The following ZNF277 variants were observed in gnomAD, a reference collection of about 807,000 sequenced individuals.
ZNF277 encodes the protein zinc finger protein 277.
Under a neutral mutation model 60.7 loss-of-function variants are expected in ZNF277, and 55 were observed. The ratio of observed to expected loss-of-function variants is 0.91; its 90% confidence interval spans 0.73 to 1.13. The LOEUF (loss-of-function observed/expected upper bound fraction) is 1.13, where lower values mean the gene tolerates loss of function less well. ZNF277 is among the 50% of genes most tolerant of loss of function. The pLI is 0.00. For synonymous variants in ZNF277, 178 were observed against 179.3 expected, an observed-to-expected ratio of 0.99 and a Z score of 0.06; for missense variants, 510 against 523.0, an observed-to-expected ratio of 0.98 and a Z score of 0.24.
At chr7:112,235,523 TC>T (rs1360517209) in intron 1 of ZNF277, among the ~76,000 whole-genome samples, 1 of 152,122 alleles carries the variant, frequency 6.6e-6, no homozygotes, top group African/African-American at 2.4e-5. Flanking sequence ...ATATTAAGCA[TC>T]TTTTCATGTT....
At chr7:112,322,096 T>G (rs1375646552) in intron 5 of ZNF277, among the ~76,000 whole-genome samples, 1 of 152,122 alleles carries the variant, frequency 6.6e-6, no homozygotes, top group Admixed American at 6.5e-5. Flanking sequence ...CCCACCAGGA[T>G]TTGTGTTCCT....
At chr7:112,317,411 C>A (rs1024086299) in intron 4 of ZNF277, among the ~76,000 whole-genome samples, 1 of 152,098 alleles carries the variant, frequency 6.6e-6, no homozygotes, top group African/African-American at 2.4e-5. Context: ...AGAGCCTGAG[C>A]TCTTAACTGT....
intron 1 of ZNF277, among the ~76,000 whole-genome samples, chr7:112,246,232 A>G (rs1791082330): frequency 1.3e-5 from 2 of 152,076 alleles, no homozygotes; most frequent in South Asian, 4.1e-4. Context: ...AAAGATACAA[A>G]AAAAAATTAG....
intron 7 of ZNF277, chr7:112,330,548 CTTTTTT>C: frequency 9.5e-6 from 1 of 105,514 alleles, no homozygotes; most frequent in Non-Finnish European, 1.8e-5. Flanking sequence ...AGACTCCTTT[CTTTTTT>C]TTTTTTTTTT....
chr7:112,305,398 C>T (rs1388903618), intron 4 of ZNF277, among the ~76,000 whole-genome samples: 1 of 151,390 alleles, frequency 6.6e-6, no homozygotes, highest in Non-Finnish European at 1.5e-5. Flanking sequence ...GGAAAAATTG[C>T]CTTCTGTGGA....
At chr7:112,334,897 C>G (rs562057564) in intron 7 of ZNF277, among the ~76,000 whole-genome samples, 14 of 152,206 alleles carry the variant, frequency 9.2e-5, no homozygotes, top group African/African-American at 3.4e-4. Flanking sequence ...TTTTGGTGTT[C>G]TGTAATGAGA....
chr7:112,211,801 T>A (rs1821755613), intron 1 of ZNF277, among the ~76,000 whole-genome samples: 1 of 152,200 alleles, frequency 6.6e-6, no homozygotes, highest in South Asian at 2.1e-4. Context: ...CACACTGTAG[T>A]TATTTTTTGG....
intron 5 of ZNF277, among the ~76,000 whole-genome samples, chr7:112,327,004 C>G (rs1430675687): frequency 2.6e-5 from 4 of 152,108 alleles, no homozygotes; most frequent in Non-Finnish European, 5.9e-5. Context: ...TATCACAGCC[C>G]TTGCATTTAA....
intron 1 of ZNF277, among the ~76,000 whole-genome samples, chr7:112,284,082 G>C (rs535728871): frequency 1.3e-5 from 2 of 152,210 alleles, no homozygotes; most frequent in African/African-American, 4.8e-5. Context: ...TGGGAACTTA[G>C]TTAAGTTTTC....
intron 1 of ZNF277, among the ~76,000 whole-genome samples, chr7:112,215,961 A>T (rs973444034): frequency 9.2e-5 from 14 of 152,230 alleles, no homozygotes; most frequent in Non-Finnish European, 8.8e-5. Flanking sequence ...CGTAATTACC[A>T]TTATAAAGCA....
intron 2 of ZNF277, chr7:112,288,199 T>C (rs1052496432): frequency 6.6e-6 from 1 of 152,216 alleles, no homozygotes; most frequent in Non-Finnish European, 1.5e-5. Context: ...TTTCCCAATT[T>C]ATAATTTCTG....
chr7:112,252,453 T>G (rs1415920828), intron 1 of ZNF277, among the ~76,000 whole-genome samples: 1 of 152,130 alleles, frequency 6.6e-6, no homozygotes, highest in East Asian at 1.9e-4. Context: ...TTTTCTTGAG[T>G]CACTGAGACA....
intron 1 of ZNF277, among the ~76,000 whole-genome samples, chr7:112,207,796 C>A (rs1224391002): frequency 6.6e-6 from 1 of 152,146 alleles, no homozygotes; most frequent in Admixed American, 6.5e-5. Flanking sequence ...AAATTGATAT[C>A]ATCTTAAGTA....
At chr7:112,283,454 C>T (rs747636857) in intron 1 of ZNF277, among the ~76,000 whole-genome samples, 9 of 152,240 alleles carry the variant, frequency 5.9e-5, no homozygotes, top group East Asian at 3.9e-4. Context: ...ACCTGGGAGG[C>T]GGAGGTTGCA....
chr7:112,284,227 T>G (rs1020809358), intron 1 of ZNF277, among the ~76,000 whole-genome samples: 4 of 152,202 alleles, frequency 2.6e-5, no homozygotes, highest in African/African-American at 9.6e-5. Context: ...TAAATGTTAG[T>G]TGTGCTGTTG....
At chr7:112,256,660 G>A (rs1402132002) in intron 1 of ZNF277, among the ~76,000 whole-genome samples, 3 of 151,998 alleles carry the variant, frequency 2.0e-5, no homozygotes, top group African/African-American at 7.3e-5. Flanking sequence ...TGGCCAGGCT[G>A]GTCTCAAACT....
intron 1 of ZNF277, among the ~76,000 whole-genome samples, chr7:112,280,200 C>T (rs766939923): frequency 1.1e-4 from 16 of 152,026 alleles, no homozygotes; most frequent in Admixed American, 3.3e-4. Context: ...TTGAATGGCA[C>T]GTTTCCATGG....
intron 1 of ZNF277, among the ~76,000 whole-genome samples, chr7:112,261,503 T>C (rs1791438359): frequency 6.6e-6 from 1 of 152,170 alleles, no homozygotes. Context: ...CAATCATTTC[T>C]TGCTTTTTCT....
intron 1 of ZNF277, among the ~76,000 whole-genome samples, chr7:112,236,347 C>T (rs531445071): frequency 4.6e-5 from 7 of 152,146 alleles, no homozygotes; most frequent in African/African-American, 1.7e-4. Context: ...TTTTCAGGTA[C>T]TATCCCTTGA....
Sources: gnomAD v4.1 joint callset for allele counts (sites outside exome capture counted in the v4.1 genomes callset) on GRCh38, gnomAD v4.1.1 for gene constraint, MANE v1.5 for transcripts, NCBI Gene and HGNC (gene_info 2026-07-23, HGNC 2026-07-21) for gene names.